LAMA3: variants seen among roughly 807,000 people sequenced by gnomAD.
LAMA3 encodes laminin subunit alpha-3.
Under a neutral mutation model 402.0 loss-of-function variants are expected in LAMA3, and 281 were observed. The ratio of observed to expected loss-of-function variants is 0.70; its 90% CI spans 0.63 to 0.77. The LOEUF is 0.77. Ranked by LOEUF, LAMA3 falls within the 30% of genes least tolerant of loss-of-function variation. The pLI is 0.00. For synonymous variants in LAMA3, 1,431 were observed against 1,558.4 expected (o/e 0.92, Z 1.93); for missense variants, 3,840 against 4,215.5 (o/e 0.91, Z 2.47).
chr18:23,952,651 G>A (rs2082955664), intron 73 of LAMA3, among the ~76,000 whole-genome samples: 1 of 152,170 alleles, frequency 6.6e-6, no homozygotes, highest in Non-Finnish European at 1.5e-5. Context: ...CATGAAATCA[G>A]CATGGCCTCT....
chr18:23,876,641 T>C (rs1467924752), intron 39 of LAMA3, among the ~76,000 whole-genome samples: 1 of 152,244 alleles, frequency 6.6e-6, no homozygotes, highest in Non-Finnish European at 1.5e-5. Flanking sequence ...AGTTACACTT[T>C]AGCTTCTAAA....
chr18:23,921,689 C>A, intron 62 of LAMA3, 104 bp downstream of exon 62: 1 of 1,152,450 alleles, frequency 8.7e-7, no homozygotes, highest in Admixed American at 1.8e-5. Flanking sequence ...AACAAACAAA[C>A]ACAAAAAGTT....
chr18:23,758,988 G>A (rs557695094), intron 7 of LAMA3, among the ~76,000 whole-genome samples: 18 of 151,842 alleles, frequency 1.2e-4, no homozygotes, highest in African/African-American at 4.3e-4. Context: ...GACCAGAGAA[G>A]GAATAAAAAA....
rs113341834 is a variant in LAMA3 at position 23,715,286 on chromosome 18, T to TA, written c.447+1224dup. Among the ~76,000 whole-genome samples, 874 of 138,948 alleles carry TA rather than the reference T, an allele frequency of 6.3e-3. 7 individuals are homozygous for TA. The highest frequency in any genetic ancestry group is 0.016 in the African/African-American group (610 of 37,620). The allele number at this position is 138,948 out of a possible 152,430, so 91.2% of individuals were successfully genotyped here. A position where few individuals can be genotyped will look rare whatever the true frequency, so the allele number is the denominator to read the frequency against. Reference sequence around the variant, plus strand: ...GTGAATTGTATCTCAATAAAACTGTTAAAAAAAAAAGGATTCATGGAAAGA... The same window carrying TA: ...GTGAATTGTATCTCAATAAAACTGTTAAAAAAAAAAAGGATTCATGGAAAGA... On this transcript the variant is annotated intron_variant, in intron 2 of 74. Transcript: ENST00000313654.
chr18:23,899,513 G>T, intron 47 of LAMA3, 58 bp downstream of exon 47: 1 of 1,534,512 alleles, frequency 6.5e-7, no homozygotes, highest in Non-Finnish European at 9.0e-7. Flanking sequence ...GAAACACAAC[G>T]TGCAGAGTGC....
intron 12 of LAMA3, among the ~76,000 whole-genome samples, chr18:23,805,047 C>G (rs2062935624): frequency 6.6e-6 from 1 of 152,164 alleles, no homozygotes; most frequent in African/African-American, 2.4e-5. Context: ...ATAAAAATAG[C>G]CTAATACAGA....
At chr18:23,804,785 G>A (rs1345801672) in intron 12 of LAMA3, among the ~76,000 whole-genome samples, 2 of 152,126 alleles carry the variant, frequency 1.3e-5, no homozygotes, top group Admixed American at 6.6e-5. Context: ...CTGATAGTGG[G>A]TGAGATCTCT....
chr18:23,708,087 T>C (rs2060923473), intron 1 of LAMA3, among the ~76,000 whole-genome samples: 2 of 152,244 alleles, frequency 1.3e-5, no homozygotes, highest in African/African-American at 2.4e-5. Context: ...TGAAGTTGAA[T>C]TGCATTTGCG....
At chr18:23,953,228 T>C in intron 74 of LAMA3, 119 bp downstream of exon 74, 1 of 1,334,576 alleles carries the variant, frequency 7.5e-7, no homozygotes, top group South Asian at 1.2e-5. Context: ...CCCTTTGCAC[T>C]GGCATGTGGG....
At chr18:23,797,141 G>T (rs557315122) in intron 12 of LAMA3, among the ~76,000 whole-genome samples, 2 of 152,302 alleles carry the variant, frequency 1.3e-5, no homozygotes, top group African/African-American at 2.4e-5. Context: ...TCACTGCCTC[G>T]TGTGCTGTTG....
intron 1 of LAMA3, among the ~76,000 whole-genome samples, chr18:23,701,872 C>G (rs2060795710): frequency 6.6e-6 from 1 of 152,170 alleles, no homozygotes; most frequent in Non-Finnish European, 1.5e-5. Context: ...GAGGCAGGAG[C>G]AGCCTTGGAG....
chr18:23,696,166 G>T (rs2060683249), intron 1 of LAMA3, among the ~76,000 whole-genome samples: 1 of 152,196 alleles, frequency 6.6e-6, no homozygotes, highest in Non-Finnish European at 1.5e-5. Flanking sequence ...AAGATAGTTT[G>T]CACAGTAATT....
chr18:23,760,022 A>T (rs540564901), intron 7 of LAMA3, among the ~76,000 whole-genome samples: 20 of 152,368 alleles, frequency 1.3e-4, no homozygotes, highest in Non-Finnish European at 2.5e-4. Context: ...TGCTGCTTTC[A>T]AACACTGATT....
chr18:23,932,273 G>C lies in LAMA3; in HGVS notation c.8690G>C (p.Ser2897Thr), dbSNP rs756077199. 6.2e-7 allele frequency: 1 copy of C among 1,614,042 alleles called. No individual in the cohort carries two copies. Among genetic ancestry groups the C allele is most frequent in the South Asian group, 1.1e-5 (1 of 91,082 alleles). The part of the protein sequence containing the change: ...LGGSNFEGCI[S>T]NVFVQRLSLS... ...GGGAGCAATTTTGAGGGTTGTATTAGCAATGTTTTTGTCCAGAGGTAGGTG... is the reference window on the plus strand; with the variant it reads ...GGGAGCAATTTTGAGGGTTGTATTACCAATGTTTTTGTCCAGAGGTAGGTG... The change falls in exon 66 of 75, where the codon AGC (serine) becomes ACC (threonine). Residue 2897 changes from serine to threonine, a missense_variant. Physicochemically the swap from Ser to Thr is moderately conservative, Grantham distance 58. Coordinates refer to ENST00000313654, the MANE Select transcript of LAMA3 (RefSeq NM_198129.4).
chr18:23,841,607 G>A (rs542161254), intron 27 of LAMA3, among the ~76,000 whole-genome samples: 2 of 152,292 alleles, frequency 1.3e-5, no homozygotes, highest in African/African-American at 2.4e-5. Context: ...GGGCTTGAAA[G>A]CTGTCAGTGG....
intron 12 of LAMA3, among the ~76,000 whole-genome samples, chr18:23,802,182 A>G (rs986165800): frequency 6.6e-6 from 1 of 152,222 alleles, no homozygotes; most frequent in African/African-American, 2.4e-5. Flanking sequence ...GAGATGCCCA[A>G]TCAGGTATAA....
chr18:23,742,494 G>A (rs1385412829), intron 2 of LAMA3, among the ~76,000 whole-genome samples: 2 of 152,168 alleles, frequency 1.3e-5, no homozygotes, highest in Admixed American at 6.5e-5. Context: ...ACATGAAAAT[G>A]TTGAATTTAT....
chr18:23,932,336 C>T, intron 66 of LAMA3, 45 bp downstream of exon 66: 1 of 1,606,232 alleles, frequency 6.2e-7, no homozygotes, highest in African/African-American at 1.3e-5. Flanking sequence ...AACGGCCTGC[C>T]CATGGGAAGG....
At chr18:23,750,360 G>T (rs2061724060) in intron 4 of LAMA3, among the ~76,000 whole-genome samples, 1 of 148,408 alleles carries the variant, frequency 6.7e-6, no homozygotes, top group Non-Finnish European at 1.5e-5. Flanking sequence ...CTCATGAGTG[G>T]TTCATATTTC....
Sources: allele counts gnomAD v4.1 joint callset (sites outside exome capture counted in the v4.1 genomes callset), GRCh38; gene constraint gnomAD v4.1.1; transcripts MANE v1.5; gene names NCBI Gene and HGNC (gene_info 2026-07-23, HGNC 2026-07-21).